Variants in C1orf105 observed in about 807,000 individuals in gnomAD.
C1orf105 encodes the protein chromosome 1 open reading frame 105.
Under a neutral mutation model 20.8 loss-of-function variants are expected in C1orf105, and 17 were observed. That is an observed-to-expected ratio of 0.82 (90% CI 0.56 to 1.23). C1orf105 has a LOEUF of 1.23. Ranked by LOEUF, C1orf105 falls within the 50% of genes most tolerant of loss-of-function variation. The pLI is 0.00. For synonymous variants in C1orf105, 72 were observed against 72.1 expected, an observed-to-expected ratio of 1.00 and a Z score of 0.01; for missense variants, 219 against 213.5, an observed-to-expected ratio of 1.03 and a Z score of -0.16.
chr1:172,428,159 C>T (rs2071771426), intron 1 of C1orf105, among the ~76,000 whole-genome samples: 1 of 152,150 alleles, frequency 6.6e-6, no homozygotes, highest in East Asian at 1.9e-4. Flanking sequence ...CATCAGGTAG[C>T]CCCACTGTCT....
At chr1:172,428,732 A>G (rs2071786408) in intron 1 of C1orf105, 4 of 654,064 alleles carry the variant, frequency 6.1e-6, no homozygotes, top group East Asian at 2.8e-5. Context: ...TTTATTATCT[A>G]TCTCCTCCTG....
chr1:172,441,658 G>T, intron 1 of C1orf105: 1 of 1,293,294 alleles, frequency 7.7e-7, no homozygotes, highest in Non-Finnish European at 1.1e-6. Context: ...ATGGAACTCT[G>T]TCTTTAAGTT....
intron 1 of C1orf105, among the ~76,000 whole-genome samples, chr1:172,423,492 T>G (rs894616084): frequency 2.6e-5 from 4 of 151,920 alleles, no homozygotes; most frequent in African/African-American, 9.7e-5. Context: ...AACACCCAAG[T>G]CCCTTCAAAT....
chr1:172,463,373 T>C (rs1649827354), intron 5 of C1orf105, among the ~76,000 whole-genome samples: 1 of 152,222 alleles, frequency 6.6e-6, no homozygotes, highest in African/African-American at 2.4e-5. Flanking sequence ...CAATGGTACA[T>C]GTCCTGATTC....
chr1:172,437,582 C>G (rs895974692), intron 1 of C1orf105, among the ~76,000 whole-genome samples: 1 of 30,808 alleles, frequency 3.2e-5, no homozygotes, highest in African/African-American at 1.5e-4. Flanking sequence ...TGGGGCCTGC[C>G]GGGGGGTGGG....
intron 1 of C1orf105, among the ~76,000 whole-genome samples, chr1:172,423,092 TTTACCACCTGCTGA>T (rs141791632): frequency 2.0e-3 from 298 of 152,288 alleles, no homozygotes; most frequent in African/African-American, 6.7e-3. Context: ...CCTTGCTGGT[TTTACCACCTGCTGA>T]TTGTAGCGCC....
At chr1:172,435,078 C>T (rs2071995902) in intron 1 of C1orf105, among the ~76,000 whole-genome samples, 1 of 152,202 alleles carries the variant, frequency 6.6e-6, no homozygotes, top group Non-Finnish European at 1.5e-5. Context: ...AGACCAATAA[C>T]AGGCTCTGAA....
chr1:172,461,922 A>G (rs4916260), intron 4 of C1orf105, among the ~76,000 whole-genome samples: 119,379 of 152,166 alleles, frequency 0.78, 47,103 homozygotes, highest in East Asian at 1. Context: ...ACATGTGTGT[A>G]TTGGGGGTGG....
chr1:172,448,585 G>A (rs1648276921), intron 3 of C1orf105, 54 bp downstream of exon 3: 2 of 988,626 alleles, frequency 2.0e-6, no homozygotes, highest in Admixed American at 1.7e-5. Flanking sequence ...GAATGACATA[G>A]AATATGAATA....
intron 1 of C1orf105, chr1:172,441,905 C>T (rs1189204401): frequency 1.1e-5 from 17 of 1,614,014 alleles, no homozygotes; most frequent in East Asian, 4.5e-5. Flanking sequence ...AGGCCTCCCA[C>T]GGCTGAAAAT....
At chr1:172,428,005 A>C (rs1436523109) in intron 1 of C1orf105, among the ~76,000 whole-genome samples, 2 of 152,088 alleles carry the variant, frequency 1.3e-5, no homozygotes, top group African/African-American at 4.8e-5. Context: ...GCACCAAACT[A>C]AACTCCTAAT....
intron 1 of C1orf105, among the ~76,000 whole-genome samples, chr1:172,437,983 G>GA (rs1197645414): frequency 3.3e-5 from 5 of 152,176 alleles, no homozygotes; most frequent in South Asian, 2.1e-4. Flanking sequence ...TTACCATTCT[G>GA]AAAATCCCAG....
At chr1:172,455,629 T>C (rs1282685134) in intron 3 of C1orf105, among the ~76,000 whole-genome samples, 1 of 152,206 alleles carries the variant, frequency 6.6e-6, no homozygotes, top group Non-Finnish European at 1.5e-5. Flanking sequence ...CAGGTGTAAA[T>C]GCTCCAAAGT....
At chr1:172,462,040 T>C in intron 4 of C1orf105, 138 bp from the exon 5 acceptor site, 1 of 662,160 alleles carries the variant, frequency 1.5e-6, no homozygotes, top group Non-Finnish European at 2.6e-6. Context: ...GGTGAAACCC[T>C]CTGGTCATTC....
At chr1:172,433,313 AGGTTGACATGAAGGAAAAAATGTTAAGG>A in intron 1 of C1orf105, among the ~76,000 whole-genome samples, 1 of 152,356 alleles carries the variant, frequency 6.6e-6, no homozygotes, top group African/African-American at 2.4e-5. Flanking sequence ...AGATTCACTA[AGGTTGACATGAAGGAAAAAATGTTAAGG>A]GCAGCCAGAA....
At chr1:172,463,268 G>C (rs1649822162) in intron 5 of C1orf105, among the ~76,000 whole-genome samples, 1 of 152,180 alleles carries the variant, frequency 6.6e-6, no homozygotes, top group South Asian at 2.1e-4. Context: ...AACCAAAAAA[G>C]CTATATGTAA....
intron 3 of C1orf105, among the ~76,000 whole-genome samples, chr1:172,449,555 A>G (rs1186043861): frequency 1.3e-5 from 2 of 152,172 alleles, no homozygotes; most frequent in African/African-American, 2.4e-5. Flanking sequence ...GCAGGAGGAA[A>G]TGCCTGAAGA....
intron 1 of C1orf105, among the ~76,000 whole-genome samples, chr1:172,440,150 T>C (rs1460184044): frequency 6.6e-6 from 1 of 152,222 alleles, no homozygotes; most frequent in Non-Finnish European, 1.5e-5. Context: ...TTCAAAGAAA[T>C]AAAAACATTA....
chr1:172,434,824 A>G (rs1453335337), intron 1 of C1orf105, among the ~76,000 whole-genome samples: 1 of 152,254 alleles, frequency 6.6e-6, no homozygotes, highest in Non-Finnish European at 1.5e-5. Flanking sequence ...GTTTTTTGAA[A>G]AGATCAACAA....
Sources: allele counts gnomAD v4.1 joint callset (sites outside exome capture counted in the v4.1 genomes callset), GRCh38; gene constraint gnomAD v4.1.1; transcripts MANE v1.5; gene names NCBI Gene and HGNC (gene_info 2026-07-23, HGNC 2026-07-21).